Variants in DMRTC1 observed in about 807,000 individuals in gnomAD.
DMRTC1 encodes doublesex- and mab-3-related transcription factor C1.
For missense variants in DMRTC1, 9 were observed against 34.6 expected (o/e 0.26, Z 1.86); for synonymous variants, 7 against 14.1 (o/e 0.50, Z 1.13).
rs1399601316 is a variant in DMRTC1 at position 72,872,678 on chromosome X, A to G, written c.467-114T>C. ...ATTTGTCACCTGGACTGTTGCATAG[A>G]CCTCTTCCTCTCTGATTTCCCCATC... On this transcript the variant is annotated intron_variant, in intron 6 of 6. Coordinates refer to ENST00000615063, the MANE Select transcript of DMRTC1 (RefSeq NM_033053.3). 2.7e-5 allele frequency: 24 copies of G among 899,361 alleles called. No homozygotes were observed. In the African/African-American group the frequency reaches 3.8e-4, roughly 14 times the overall value. 74.1% of individuals were successfully genotyped at this position (899,361 alleles called of 1,213,427 possible).
At chrX:72,886,647 C>T (rs1188091390) in intron 1 of DMRTC1, among the ~76,000 whole-genome samples, 1 of 24,501 alleles carries the variant, frequency 4.1e-5, no homozygotes, top group Non-Finnish European at 7.0e-5. Flanking sequence ...ATTTTGAAGT[C>T]AGGCAGAGTG....
intron 1 of DMRTC1, among the ~76,000 whole-genome samples, chrX:72,905,802 A>C (rs1556354691): frequency 4.0e-5 from 4 of 100,982 alleles, no homozygotes; most frequent in Non-Finnish European, 2.0e-5. Flanking sequence ...GCCTGGACTA[A>C]ATTTACTTTT....
chrX:72,876,698 G>GTTCATGCTGA (rs2054806650), intron 1 of DMRTC1, among the ~76,000 whole-genome samples: 1 of 60,315 alleles, frequency 1.7e-5, no homozygotes, highest in Non-Finnish European at 3.1e-5. Flanking sequence ...TTTCATGCTG[G>GTTCATGCTGA]TTCATGCTGA....
chrX:72,939,820 C>T (rs1195761608), intron 1 of DMRTC1, among the ~76,000 whole-genome samples: 2 of 114,485 alleles, frequency 1.7e-5, no homozygotes, highest in African/African-American at 3.2e-5. Flanking sequence ...CCACAGGAGG[C>T]TGACCCATCC....
intron 1 of DMRTC1, among the ~76,000 whole-genome samples, chrX:72,905,632 C>T (rs1377970727): frequency 1.8e-5 from 1 of 55,270 alleles, no homozygotes; most frequent in Non-Finnish European, 3.2e-5. Context: ...CTCAGCCTCC[C>T]GAGTAGCTGG....
At chrX:72,913,299 C>G in intron 1 of DMRTC1, 1 of 758,354 alleles carries the variant, frequency 1.3e-6, no homozygotes, top group South Asian at 2.2e-5. Flanking sequence ...GCCACAGACA[C>G]AGGCGTGAAC....
chrX:72,879,794 CT>C (rs1556352576), intron 1 of DMRTC1, among the ~76,000 whole-genome samples: 90 of 101,322 alleles, frequency 8.9e-4, no homozygotes, highest in Non-Finnish European at 1.6e-3. Flanking sequence ...TCTCTTTCTC[CT>C]TCCTTCCTTC....
chrX:72,874,572 G>T (rs1455664157), intron 4 of DMRTC1, among the ~76,000 whole-genome samples: 2 of 69,296 alleles, frequency 2.9e-5, no homozygotes, highest in Non-Finnish European at 5.1e-5. Context: ...CTTGTCCAAA[G>T]TCTCACAAAT....
Position 72,872,391 on chromosome X carries a change from C to T in DMRTC1, c.*61G>A, listed in dbSNP as rs2054772412. On this transcript the variant is annotated 3_prime_UTR_variant, in exon 7 of 7. Transcript: ENST00000615063. ...AGCGTTTTGGACGTTAACCATTTTG[C>T]ACATTCAGAAACTGGATACCAAATA... 1 of 633,443 alleles carries T rather than the reference C, an allele frequency of 1.6e-6. No individual in the cohort carries two copies. The highest frequency in any genetic ancestry group is 3.0e-5 in the African/African-American group (1 of 33,051). The allele number at this position is 633,443 out of a possible 1,213,427, so 52.2% of individuals were successfully genotyped here.
intron 4 of DMRTC1, 94 bp downstream of exon 4, chrX:72,874,731 C>T (rs2054793464): frequency 3.4e-6 from 1 of 293,514 alleles, no homozygotes; most frequent in South Asian, 9.9e-5. Flanking sequence ...CCTCCTCCTC[C>T]TCCTCCCCCT....
chrX:72,913,302 G>C, intron 1 of DMRTC1: 1 of 745,809 alleles, frequency 1.3e-6, no homozygotes, highest in Non-Finnish European at 2.0e-6. Flanking sequence ...ACAGACACAG[G>C]CGTGAACGGT....
intron 1 of DMRTC1, among the ~76,000 whole-genome samples, chrX:72,905,111 C>T (rs781993167): frequency 6.7e-4 from 3 of 4,490 alleles, no homozygotes; most frequent in Non-Finnish European, 9.4e-4. Flanking sequence ...AACTTGAAAG[C>T]GGAATGATGT....
intron 1 of DMRTC1, among the ~76,000 whole-genome samples, chrX:72,879,531 A>G (rs2054832773): frequency 1.3e-5 from 1 of 75,000 alleles, no homozygotes; most frequent in African/African-American, 5.0e-5. Flanking sequence ...AGTTTCCCAA[A>G]AACTCGGTTG....
intron 1 of DMRTC1, among the ~76,000 whole-genome samples, chrX:72,906,154 T>C (rs868996428): frequency 0.012 from 743 of 59,733 alleles, no homozygotes; most frequent in Non-Finnish European, 0.016. Context: ...GATAAATTCA[T>C]AGATGCATAC....
intron 1 of DMRTC1, among the ~76,000 whole-genome samples, chrX:72,902,753 A>G (rs1461555539): frequency 5.4e-4 from 3 of 5,533 alleles, no homozygotes; most frequent in Non-Finnish European, 7.2e-4. Context: ...CCAGCAAAGT[A>G]AAGCCTGGTA....
chrX:72,882,245 G>T (rs1556353166), intron 1 of DMRTC1, among the ~76,000 whole-genome samples: 1 of 58,333 alleles, frequency 1.7e-5, no homozygotes. Context: ...TGTCGATGTT[G>T]CATTTGCTGT....
chrX:72,913,210 G>A (rs2054964527), intron 1 of DMRTC1: 1 of 833,707 alleles, frequency 1.2e-6, no homozygotes, highest in Non-Finnish European at 1.7e-6. Flanking sequence ...AAATCCCCAG[G>A]GCTCCCGAGG....
rs1443482916 is a variant in DMRTC1 at position 72,913,582 on chromosome X, A to G, written c.-95+29993T>C. Among the ~76,000 whole-genome samples the G allele has an allele frequency of 1.0e-4, 10 of 99,338 alleles. 1 individual carries two copies. Among genetic ancestry groups the G allele is most frequent in the Admixed American group, 2.3e-4 (2 of 8,640 alleles). The allele number at this position is 99,338 out of a possible 115,157, so 86.3% of individuals were successfully genotyped here. ...GTCCTGGTGGCGATGGGCTGTAGCCAATCAACGGTGAGTTTTCCACGGCTC... is the reference window on the plus strand; with the variant it reads ...GTCCTGGTGGCGATGGGCTGTAGCCGATCAACGGTGAGTTTTCCACGGCTC... On this transcript the variant is annotated intron_variant, in intron 1 of 6. Coordinates refer to ENST00000615063, the MANE Select transcript of DMRTC1 (RefSeq NM_033053.3).
chrX:72,916,189 CAT>C (rs1485780702), intron 1 of DMRTC1, among the ~76,000 whole-genome samples: 2 of 104,417 alleles, frequency 1.9e-5, no homozygotes, highest in East Asian at 3.2e-4. Context: ...AGGAGCGTCA[CAT>C]GTTTTTGTTT....
Sources: allele counts gnomAD v4.1 joint callset (sites outside exome capture counted in the v4.1 genomes callset), GRCh38; gene constraint gnomAD v4.1.1; transcripts MANE v1.5; gene names NCBI Gene and HGNC (gene_info 2026-07-23, HGNC 2026-07-21).